The following WDR59 variants were observed in gnomAD, a reference collection of about 807,000 sequenced individuals.
The protein encoded by WDR59 is WD repeat domain 59.
In WDR59, 100 loss-of-function variants were observed where a neutral mutation model predicts 131.2. The observed-to-expected ratio is 0.76, with a 90% confidence interval of 0.65 to 0.90. The LOEUF (loss-of-function observed/expected upper bound fraction) is 0.90, where lower values mean the gene tolerates loss of function less well. Ranked by LOEUF, WDR59 falls within the 40% of genes least tolerant of loss-of-function variation. The pLI, the probability that WDR59 is intolerant of heterozygous loss-of-function variation, is 0.00. For synonymous variants in WDR59, 601 were observed against 466.2 expected (o/e 1.29, Z -3.72); for missense variants, 1,203 against 1,262.2 (o/e 0.95, Z 0.71).
intron 1 of WDR59, among the ~76,000 whole-genome samples, chr16:74,969,578 T>C (rs989513531): frequency 4.7e-5 from 4 of 85,428 alleles, no homozygotes; most frequent in African/African-American, 1.2e-4. Flanking sequence ...GCCTGTTTTT[T>C]TGTTTTTATT....
At chr16:74,885,860 G>A (rs1964730703) in intron 24 of WDR59, 65 bp from the exon 25 acceptor site, 1 of 1,578,044 alleles carries the variant, frequency 6.3e-7, no homozygotes, top group African/African-American at 1.4e-5. Flanking sequence ...ATCCTAAATG[G>A]CACTTAATAT....
At chr16:74,969,230 CT>C (rs2033886408) in intron 1 of WDR59, among the ~76,000 whole-genome samples, 1 of 152,144 alleles carries the variant, frequency 6.6e-6, no homozygotes, top group Non-Finnish European at 1.5e-5. Context: ...CACTTACAGA[CT>C]AAAATTTAAA....
At chr16:74,971,426 C>CTTTTTTTTTTT (rs58120924) in intron 1 of WDR59, among the ~76,000 whole-genome samples, 9 of 90,188 alleles carry the variant, frequency 1.0e-4, no homozygotes, top group Non-Finnish European at 1.6e-4. Context: ...TCTTTCCTTC[C>CTTTTTTTTTTT]TTTTTTTTTT....
chr16:74,914,253 A>G (rs1426636830), intron 13 of WDR59, among the ~76,000 whole-genome samples: 1 of 151,622 alleles, frequency 6.6e-6, no homozygotes, highest in Non-Finnish European at 1.5e-5. Flanking sequence ...TGTGAATTAT[A>G]TCTCAATAAT....
chr16:74,916,448 T>G (rs945929813), intron 11 of WDR59, among the ~76,000 whole-genome samples, 189 bp from the exon 12 acceptor site: 3 of 152,198 alleles, frequency 2.0e-5, no homozygotes, highest in Admixed American at 2.0e-4. Flanking sequence ...GATAACAGAC[T>G]CTATTATTCA....
chr16:74,984,741 C>T (rs1255613849), intron 1 of WDR59: 8 of 604,010 alleles, frequency 1.3e-5, no homozygotes, highest in Admixed American at 3.0e-5. Flanking sequence ...CACTCCCCTA[C>T]CCGCGTAGGG....
rs1442536956 is a variant in WDR59 at position 74,881,860 on chromosome 16, A to C, written c.2689+3793T>G. Among the ~76,000 whole-genome samples, 53 of 149,494 alleles carry C rather than the reference A, an allele frequency of 3.5e-4. 1 individual carries two copies. The highest frequency in any genetic ancestry group is 1.5e-4 in the Non-Finnish European group (10 of 67,312). On this transcript the variant is annotated intron_variant, in intron 25 of 25. Coordinates refer to ENST00000262144, the MANE Select transcript of WDR59 (RefSeq NM_030581.4). ...TGCACTCCAGCCTGGGTGACAGAGC[A>C]AGACTCCGTCTCAAAAAAAAAAAAA... is the stretch of plus-strand genomic sequence containing the variant.
At chr16:74,975,816 T>C (rs1245486768) in intron 1 of WDR59, among the ~76,000 whole-genome samples, 1 of 152,008 alleles carries the variant, frequency 6.6e-6, no homozygotes, top group Admixed American at 6.6e-5. Context: ...GTCTTTGTTC[T>C]TCTCCCATTC....
intron 18 of WDR59, among the ~76,000 whole-genome samples, chr16:74,903,600 T>G (rs186802687): frequency 5.5e-4 from 84 of 152,236 alleles, no homozygotes; most frequent in African/African-American, 1.8e-3. Context: ...CTTAATTTGC[T>G]GAGAAACATC....
intron 4 of WDR59, chr16:74,950,023 G>GAAATGAA (rs895761237): frequency 3.6e-6 from 2 of 558,542 alleles, no homozygotes; most frequent in Non-Finnish European, 6.8e-6. Flanking sequence ...TCCCAGAAAA[G>GAAATGAA]AAATGGAGTG....
chr16:74,953,541 T>A (rs996380408), intron 3 of WDR59, among the ~76,000 whole-genome samples: 1 of 149,204 alleles, frequency 6.7e-6, no homozygotes, highest in Admixed American at 6.7e-5. Flanking sequence ...TTCATTAAAA[T>A]TAAAGCTTTT....
rs775126827 is a variant in WDR59, at chr16:74,909,575, G to C, written c.1568C>G (p.Thr523Ser). ...TPPLPTFARV[T>S]TAYGSYQDAN... ...GTCCTGGTACGACCCGTAAGCCGTG[G>C]TCACCCGCGCAAACGTCGGTAAGGG... Residue 523 changes from threonine (T) to serine (S), a missense_variant, in exon 16 of 26, where the codon ACC (threonine) becomes AGC (serine). Coordinates refer to ENST00000262144, the MANE Select transcript of WDR59 (RefSeq NM_030581.4). The C allele has an allele frequency of 6.2e-7, 1 of 1,611,102 alleles. No individual in the cohort carries two copies. The highest frequency in any genetic ancestry group is 8.5e-7 in the Non-Finnish European group (1 of 1,179,052).
At chr16:74,908,055 A>G (rs1965905161) in intron 17 of WDR59, among the ~76,000 whole-genome samples, 2 of 152,210 alleles carry the variant, frequency 1.3e-5, no homozygotes, top group Non-Finnish European at 1.5e-5. Context: ...AGACAGAAAC[A>G]TGTTCTGTTG....
At chr16:74,907,915 C>G (rs1318742864) in intron 17 of WDR59, among the ~76,000 whole-genome samples, 1 of 152,176 alleles carries the variant, frequency 6.6e-6, no homozygotes, top group Non-Finnish European at 1.5e-5. Context: ...AGATAACTTG[C>G]CCAAGGTCAT....
In WDR59 at chr16:74,882,026, A is replaced by G. The variant is rs1964511226; in HGVS notation, c.2689+3627T>C. 2.0e-5 allele frequency among the ~76,000 whole-genome samples: 3 copies of G among 152,260 alleles called. No individual in the cohort carries two copies. In the South Asian group the frequency reaches 6.2e-4, roughly 32 times the overall value. On this transcript the variant is annotated intron_variant, in intron 25 of 25. Coordinates refer to ENST00000262144, the MANE Select transcript of WDR59 (RefSeq NM_030581.4). ...TAGGATACATTATTCATCCTTAACT[A>G]TCATTAAGTCTTCCTGAGTTTATAC...
intron 1 of WDR59, among the ~76,000 whole-genome samples, chr16:74,970,019 G>A (rs2033919062): frequency 6.6e-6 from 1 of 152,024 alleles, no homozygotes; most frequent in East Asian, 1.9e-4. Context: ...CGTCTCCTGG[G>A]TTCAAGTGAT....
chr16:74,919,831 G>A (rs1015439994), intron 10 of WDR59, among the ~76,000 whole-genome samples: 2 of 152,094 alleles, frequency 1.3e-5, no homozygotes, highest in Non-Finnish European at 2.9e-5. Flanking sequence ...CTTCCCCACA[G>A]TGAAAATCAA....
At chr16:74,972,862 A>G (rs138552764) in intron 1 of WDR59, among the ~76,000 whole-genome samples, 154 of 149,106 alleles carry the variant, frequency 1.0e-3, no homozygotes, top group Non-Finnish European at 1.9e-3. Flanking sequence ...GGTTTTACAG[A>G]CTAAAGCCAC....
intron 5 of WDR59, among the ~76,000 whole-genome samples, chr16:74,949,347 A>G (rs1008402814): frequency 6.8e-6 from 1 of 146,980 alleles, no homozygotes; most frequent in Non-Finnish European, 1.5e-5. Context: ...AAAAAAAAAA[A>G]AAAAAAAGAA....
Sources: allele counts gnomAD v4.1 joint callset (sites outside exome capture counted in the v4.1 genomes callset), GRCh38; gene constraint gnomAD v4.1.1; transcripts MANE v1.5; gene names NCBI Gene and HGNC (gene_info 2026-07-23, HGNC 2026-07-21).